AATF: variants seen among roughly 807,000 people sequenced by gnomAD.
The protein encoded by AATF is apoptosis antagonizing transcription factor.
Under a neutral mutation model 63.7 loss-of-function variants are expected in AATF, and 48 were observed. That is an observed-to-expected ratio of 0.75 (90% CI 0.60 to 0.96). The LOEUF is 0.96. Among genes scored for constraint, AATF ranks in the 40% least tolerant of loss-of-function variants. The pLI is 0.00. For missense variants in AATF, 639 were observed against 685.7 expected (o/e 0.93, Z 0.76); for synonymous variants, 258 against 247.7 (o/e 1.04, Z -0.39).
intron 11 of AATF, chr17:37,045,857 C>G (rs989717726): frequency 6.6e-6 from 1 of 152,234 alleles, no homozygotes; most frequent in Admixed American, 6.5e-5. Flanking sequence ...CCCCCTGTTG[C>G]AGGCCTGCTC....
intron 8 of AATF, chr17:36,999,155 T>C (rs2071276014): frequency 6.6e-6 from 1 of 152,220 alleles, no homozygotes; most frequent in Non-Finnish European, 1.5e-5. Flanking sequence ...CTGTTACTTA[T>C]TTCAGGGTAG....
chr17:37,006,199 G>T (rs1297728011), intron 8 of AATF, among the ~76,000 whole-genome samples: 1 of 152,156 alleles, frequency 6.6e-6, no homozygotes, highest in Non-Finnish European at 1.5e-5. Flanking sequence ...GCCAGGTGCG[G>T]TGGCTCTTCC....
Position 36,951,893 on chromosome 17 carries a change from T to G in AATF, c.284-993T>G, listed in dbSNP as rs774959905. On this transcript the variant is annotated intron_variant, in intron 2 of 11. Transcript: ENST00000619387. Reference sequence around the variant, plus strand: ...AAATCTTTATTTTATTGAAGAAAGTTTTTGGAAACTGGTCCCTCTATCTTA... The same window carrying G: ...AAATCTTTATTTTATTGAAGAAAGTGTTTGGAAACTGGTCCCTCTATCTTA... Among the ~76,000 whole-genome samples the G allele has an allele frequency of 5.2e-4, 79 of 152,224 alleles. 1 individual carries two copies. Among genetic ancestry groups the G allele is most frequent in the Non-Finnish European group, 1.9e-4 (13 of 68,046 alleles).
intron 4 of AATF, among the ~76,000 whole-genome samples, chr17:36,965,246 T>C (rs2070982206): frequency 6.6e-6 from 1 of 152,186 alleles, no homozygotes; most frequent in Non-Finnish European, 1.5e-5. Context: ...CAGGGCTTTG[T>C]TCCTGGAGGC....
intron 11 of AATF, among the ~76,000 whole-genome samples, chr17:37,035,038 G>A (rs2071580233): frequency 6.6e-6 from 1 of 150,908 alleles, no homozygotes; most frequent in Non-Finnish European, 1.5e-5. Context: ...GCAGGAGAAT[G>A]GCGTGAACCC....
intron 4 of AATF, among the ~76,000 whole-genome samples, chr17:36,979,858 A>T (rs2071107738): frequency 6.6e-6 from 1 of 152,206 alleles, no homozygotes; most frequent in Non-Finnish European, 1.5e-5. Context: ...GGAAAAAAAT[A>T]AAGCTGTTAG....
intron 4 of AATF, among the ~76,000 whole-genome samples, chr17:36,965,199 G>A (rs551867830): frequency 2.6e-5 from 4 of 152,226 alleles, no homozygotes; most frequent in South Asian, 2.1e-4. Context: ...TTATCGTATC[G>A]TTCTGGAGGT....
intron 8 of AATF, among the ~76,000 whole-genome samples, chr17:37,001,820 G>A (rs1252687467): frequency 6.6e-6 from 1 of 152,110 alleles, no homozygotes; most frequent in Non-Finnish European, 1.5e-5. Flanking sequence ...ATCTAGCCAG[G>A]GCAGTTAGGC....
intron 11 of AATF, among the ~76,000 whole-genome samples, chr17:37,046,508 C>T (rs796361941): frequency 1.8e-4 from 27 of 152,252 alleles, no homozygotes; most frequent in African/African-American, 6.3e-4. Context: ...TGTCCCCTGA[C>T]TCGCATTGCA....
intron 10 of AATF, among the ~76,000 whole-genome samples, chr17:37,022,113 C>CGT (rs71159679): frequency 0.14 from 20,436 of 145,308 alleles, 1,458 homozygotes; most frequent in Admixed American, 0.18. Flanking sequence ...TGGTAACTGC[C>CGT]GTGTGTGTGT....
At chr17:37,038,769 C>T (rs2142309934) in intron 11 of AATF, among the ~76,000 whole-genome samples, 1 of 152,066 alleles carries the variant, frequency 6.6e-6, no homozygotes, top group East Asian at 1.9e-4. Flanking sequence ...ACTACCTTTC[C>T]CACTCCTTTT....
intron 11 of AATF, among the ~76,000 whole-genome samples, chr17:37,046,144 G>A (rs1457798241): frequency 2.0e-5 from 3 of 152,080 alleles, no homozygotes; most frequent in African/African-American, 7.2e-5. Flanking sequence ...TTAAACAGTT[G>A]TGTGGGATGT....
Position 36,949,013 on chromosome 17 carries a change from G to A in AATF, c.-113G>A. On this transcript the variant is annotated 5_prime_UTR_variant, in exon 1 of 12. Transcript: ENST00000619387. ...GGTGGCCTCCGCGCGGTCTCTGGCG[G>A]AGTCGGGGAATCGGATCAAGGCGAG... 1 of 1,048,094 alleles carries A rather than the reference G, an allele frequency of 9.5e-7. No individual in the cohort carries two copies. The highest frequency in any genetic ancestry group is 1.4e-6 in the Non-Finnish European group (1 of 720,856). 64.9% of individuals were successfully genotyped at this position (1,048,094 alleles called of 1,614,324 possible).
chr17:37,049,386 A>C (rs1402813762), intron 11 of AATF, among the ~76,000 whole-genome samples: 2 of 152,102 alleles, frequency 1.3e-5, no homozygotes, highest in East Asian at 3.9e-4. Flanking sequence ...GCAGATCACG[A>C]GGTCAGGAGA....
Position 36,990,761 on chromosome 17 carries a change from A to C in AATF, c.1315-13A>C. The C allele has an allele frequency of 6.4e-7, 1 of 1,558,548 alleles. No homozygotes were observed. Among genetic ancestry groups the C allele is most frequent in the Non-Finnish European group, 8.7e-7 (1 of 1,145,828 alleles). On this transcript the variant is annotated splice_polypyrimidine_tract_variant and intron_variant, in intron 7 of 11. Transcript: ENST00000619387. ...GTTGGGATTCACTCTTTTCTTACTCATTGTTAACATAGGAGATCCTTCCTC... is the reference window on the plus strand; with the variant it reads ...GTTGGGATTCACTCTTTTCTTACTCCTTGTTAACATAGGAGATCCTTCCTC...
chr17:36,950,093 T>C, intron 1 of AATF, 121 bp from the exon 2 acceptor site: 1 of 1,084,994 alleles, frequency 9.2e-7, no homozygotes, highest in Non-Finnish European at 1.4e-6. Context: ...TTCCTATTCC[T>C]GGAAGTTGGT....
In AATF at chr17:36,986,681, G is replaced by A; in HGVS notation, c.897G>A (p.Gln299=). The A allele has an allele frequency of 4.3e-6, 7 of 1,614,122 alleles. No homozygotes were observed. Among genetic ancestry groups the A allele is most frequent in the Non-Finnish European group, 5.9e-6 (7 of 1,180,030 alleles). ...GTCTTCAGGAAGAGTTGCTTTTCCA[G>A]TACCCAGACACTAGATATCTAGTAG... The part of the protein sequence containing the change: ...LVGLQEELLF[Q]YPDTRYLVDG... The change falls in exon 5 of 12, where the codon CAG becomes CAA. Residue 299 remains glutamine, a synonymous_variant. Transcript: ENST00000619387.
intron 2 of AATF, among the ~76,000 whole-genome samples, chr17:36,951,228 A>G (rs1246070412): frequency 6.6e-6 from 1 of 152,154 alleles, no homozygotes; most frequent in Non-Finnish European, 1.5e-5. Flanking sequence ...TATAAAAGGA[A>G]CTATCATTTA....
intron 4 of AATF, among the ~76,000 whole-genome samples, chr17:36,966,824 A>C (rs1185227138): frequency 6.6e-6 from 1 of 151,040 alleles, no homozygotes. Context: ...GGCTGATCTC[A>C]AACTCCTGGC....
Sources: allele counts gnomAD v4.1 joint callset (sites outside exome capture counted in the v4.1 genomes callset), GRCh38; gene constraint gnomAD v4.1.1; transcripts MANE v1.5; gene names NCBI Gene and HGNC (gene_info 2026-07-23, HGNC 2026-07-21).